Variants in SGSM3 observed in about 807,000 individuals in gnomAD.
SGSM3 encodes the protein RUN and SH3 containing 3.
Under a neutral mutation model 100.5 loss-of-function variants are expected in SGSM3, and 96 were observed. That is an observed-to-expected ratio of 0.96 (90% CI 0.81 to 1.13). The LOEUF is 1.13. Ranked by LOEUF, SGSM3 falls within the 50% of genes most tolerant of loss-of-function variation. SGSM3 has a pLI of 0.00. For missense variants in SGSM3, 1,001 were observed against 1,015.8 expected (o/e 0.99, Z 0.20); for synonymous variants, 483 against 422.8 (o/e 1.14, Z -1.75).
chr22:40,408,834 C>T lies in SGSM3; in HGVS notation c.1894C>T (p.Leu632Phe). The T allele has an allele frequency of 6.2e-7, 1 of 1,613,864 alleles. No individual in the cohort carries two copies. The highest frequency in any genetic ancestry group is 1.1e-5 in the South Asian group (1 of 91,084). ...CAAAGTCCTGACCCCGGAGGAGCTG[C>T]TCTACCGGGTAAGGGGGCCTCCTCT... ...DGKVLTPEEL[L>F]YRAVQSVNVT... is the part of the protein sequence containing the mutation. Residue 632 changes from leucine to phenylalanine, a missense_variant, in exon 18 of 22, where the codon CTC (leucine) becomes TTC (phenylalanine). By Grantham distance (22) the Leu-to-Phe change is conservative. Coordinates refer to ENST00000248929, the MANE Select transcript of SGSM3 (RefSeq NM_015705.6).
chr22:40,400,851 G>T, intron 2 of SGSM3, 38 bp downstream of exon 2: 1 of 1,522,664 alleles, frequency 6.6e-7, no homozygotes, highest in Non-Finnish European at 8.8e-7. Context: ...GGGGTTTGAA[G>T]CTCTCACAGA....
chr22:40,406,998 C>T lies in SGSM3; in HGVS notation c.1186-19C>T. 6.4e-7 allele frequency: 1 copy of T among 1,561,196 alleles called. No homozygotes were observed. Among genetic ancestry groups the T allele is most frequent in the South Asian group, 1.2e-5 (1 of 84,826 alleles). ...CCTCCCGGGGCCAGGACCACCCTGACCCACTCCTCTTGGTGCAGGTTGTTC... is the reference window on the plus strand; with the variant it reads ...CCTCCCGGGGCCAGGACCACCCTGATCCACTCCTCTTGGTGCAGGTTGTTC... On this transcript the variant is annotated intron_variant, in intron 10 of 21. Transcript: ENST00000248929.
intron 1 of SGSM3, among the ~76,000 whole-genome samples, chr22:40,384,479 A>G (rs1398070041): frequency 6.6e-6 from 1 of 152,196 alleles, no homozygotes; most frequent in African/African-American, 2.4e-5. Flanking sequence ...TTAAAAAAAA[A>G]TTAAAAAGAA....
Position 40,406,746 on chromosome 22 carries a change from G to A in SGSM3, c.1185+84G>A, listed in dbSNP as rs547160559. The A allele has an allele frequency of 6.6e-5, 81 of 1,218,838 alleles. 2 individuals are homozygous for A. The highest frequency in any genetic ancestry group is 2.8e-4 in the East Asian group (11 of 39,744). The allele number at this position is 1,218,838 out of a possible 1,614,324, so 75.5% of individuals were successfully genotyped here. A position where few individuals can be genotyped will look rare whatever the true frequency, so the allele number is the denominator to read the frequency against. ...TTGAAGTTCAGAGCGCGGGGGCTGCGGAAAACAAACCAGCCCTTCCTGCTC... is the reference window on the plus strand; with the variant it reads ...TTGAAGTTCAGAGCGCGGGGGCTGCAGAAAACAAACCAGCCCTTCCTGCTC... On this transcript the variant is annotated intron_variant, in intron 10 of 21. Transcript: ENST00000248929.
At chr22:40,402,675 G>T (rs1024156748) in intron 4 of SGSM3, among the ~76,000 whole-genome samples, 2 of 152,212 alleles carry the variant, frequency 1.3e-5, no homozygotes, top group African/African-American at 4.8e-5. Context: ...GGAGGTGGAG[G>T]TTGCAGTGAG....
Position 40,405,213 on chromosome 22 carries a change from C to T in SGSM3, c.547C>T (p.Arg183Cys), listed in dbSNP as rs769788475. 96 of 1,587,672 alleles carry T rather than the reference C, an allele frequency of 6.0e-5. No homozygotes were observed. The highest frequency in any genetic ancestry group is 2.8e-4 in the East Asian group (12 of 43,256). ...CAGCATGGGTAGCATCGGGGTGCCC[C>T]GCCTGCGCAGGGTGCTCCGGGCCCT... ...FASMGSIGVP[R>C]LRRVLRALAW... The change falls in exon 7 of 22, where the codon CGC (arginine) becomes TGC (cysteine). Residue 183 changes from arginine to cysteine, a missense_variant. By Grantham distance (180) the Arg-to-Cys change is radical (BLOSUM62 -3). Transcript: ENST00000248929.
chr22:40,377,372 G>A (rs570369657), intron 1 of SGSM3, among the ~76,000 whole-genome samples: 3 of 152,354 alleles, frequency 2.0e-5, no homozygotes, highest in African/African-American at 7.2e-5. Flanking sequence ...CACTAGAGCT[G>A]CTGTTGTTTT....
intron 2 of SGSM3, 85 bp downstream of exon 2, chr22:40,400,898 A>G (rs2050662501): frequency 7.6e-7 from 1 of 1,319,836 alleles, no homozygotes; most frequent in Non-Finnish European, 1.0e-6. Flanking sequence ...GTTTTCCATA[A>G]AACACCATCC....
At chr22:40,382,886 G>A (rs748642056) in intron 1 of SGSM3, among the ~76,000 whole-genome samples, 2 of 152,140 alleles carry the variant, frequency 1.3e-5, no homozygotes, top group Non-Finnish European at 2.9e-5. Context: ...AGATGAATTG[G>A]CCACACAGCC....
In SGSM3 at chr22:40,389,904, C is replaced by CA. The variant is rs556479827; in HGVS notation, c.-111-10781dup. Among the ~76,000 whole-genome samples the CA allele has an allele frequency of 8.0e-3, 464 of 58,296 alleles. 1 individual carries two copies. Among genetic ancestry groups the CA allele is most frequent in the African/African-American group, 0.027 (367 of 13,762 alleles). The allele number at this position is 58,296 out of a possible 152,430, so 38.2% of individuals were successfully genotyped here. ...GGGCAACAAGAGGGAAACTCCGTCT[C>CA]AAAAAAAAAAAGAAAAAAAAAAAAA... On this transcript the variant is annotated intron_variant, in intron 1 of 21. Transcript: ENST00000248929.
chr22:40,372,179 T>C (rs2045695212), intron 1 of SGSM3, among the ~76,000 whole-genome samples: 1 of 121,100 alleles, frequency 8.3e-6, no homozygotes, highest in South Asian at 3.0e-4. Flanking sequence ...CAGGCTGGAG[T>C]GCAGTGGCGC....
chr22:40,408,995 C>T lies in SGSM3; in HGVS notation c.1965C>T (p.Arg655=), dbSNP rs1049833560. The change falls in exon 19 of 22, where the codon CGC becomes CGT. Residue 655 remains arginine (R), a synonymous_variant. Transcript: ENST00000248929. ...AVHAQMDVKL[R]SLICVGLNEQ... is the part of the protein sequence containing the mutation. ...ATGCACAAATGGATGTGAAGCTCCGCTCACTGATCTGCGTGGGGCTCAAGT... is the reference window on the plus strand; with the variant it reads ...ATGCACAAATGGATGTGAAGCTCCGTTCACTGATCTGCGTGGGGCTCAAGT... 6.3e-7 allele frequency: 1 copy of T among 1,577,372 alleles called. No homozygotes were observed. Among genetic ancestry groups the T allele is most frequent in the South Asian group, 1.1e-5 (1 of 87,418 alleles).
chr22:40,377,624 T>C (rs946222723), intron 1 of SGSM3, among the ~76,000 whole-genome samples: 1 of 152,222 alleles, frequency 6.6e-6, no homozygotes, highest in African/African-American at 2.4e-5. Flanking sequence ...TCCATTGGGC[T>C]AAGGAGTTTG....
In SGSM3 at chr22:40,408,947, G is replaced by C; in HGVS notation, c.1917G>C (p.Val639=). The change falls in exon 19 of 22, where the codon GTG becomes GTC. Residue 639 remains valine (V), a synonymous_variant. Transcript: ENST00000248929. ...GCCGTTCCCAGGCTGTGCAGTCTGTGAACGTGACCCACGATGCAGTGCATG... is the reference window on the plus strand; with the variant it reads ...GCCGTTCCCAGGCTGTGCAGTCTGTCAACGTGACCCACGATGCAGTGCATG... ...EELLYRAVQS[V]NVTHDAVHAQ... 4 of 1,610,950 alleles carry C rather than the reference G, an allele frequency of 2.5e-6. No individual in the cohort carries two copies. The highest frequency in any genetic ancestry group is 3.4e-6 in the Non-Finnish European group (4 of 1,178,580).
At position 40,398,924 on chromosome 22, in the gene SGSM3, C is replaced by T. The variant is rs118096177; in HGVS notation, c.-111-1772C>T. 5.6e-4 allele frequency among the ~76,000 whole-genome samples: 78 copies of T among 139,750 alleles called. 14 individuals are homozygous for T. In the East Asian group the frequency reaches 0.016, roughly 29 times the overall value. 91.7% of individuals were successfully genotyped at this position (139,750 alleles called of 152,430 possible). A position where few individuals can be genotyped will look rare whatever the true frequency, so the allele number is the denominator to read the frequency against. ...GAAGTAAACTTGCCCACGGTTATAA[C>T]AAGTGGGCACAGGCCCACTCTGCTA... On this transcript the variant is annotated intron_variant, in intron 1 of 21. Coordinates refer to ENST00000248929, the MANE Select transcript of SGSM3 (RefSeq NM_015705.6).
At position 40,407,312 on chromosome 22, in the gene SGSM3, C is replaced by G; in HGVS notation, c.1352C>G (p.Pro451Arg). The change falls in exon 12 of 22, where the codon CCC (proline) becomes CGC (arginine). Residue 451 changes from proline to arginine, a missense_variant. Transcript: ENST00000248929. This position sits in a 1 kb window ranked among gnomAD's most constrained non-coding sequence, Gnocchi z 4.7. Reference protein sequence around the residue: ...RVARHFQCTDPKNCSVELTPD... With the variant: ...RVARHFQCTDRKNCSVELTPD... ...GCACGCCACTTCCAGTGCACAGACC[C>G]CAAAAACTGCAGCGTGGTGAGTCGC... is the stretch of plus-strand genomic sequence containing the variant. The G allele has an allele frequency of 6.2e-7, 1 of 1,613,546 alleles. No individual in the cohort carries two copies. The highest frequency in any genetic ancestry group is 8.5e-7 in the Non-Finnish European group (1 of 1,180,024).
At chr22:40,376,974 C>G (rs1033621159) in intron 1 of SGSM3, among the ~76,000 whole-genome samples, 3 of 152,108 alleles carry the variant, frequency 2.0e-5, no homozygotes, top group Non-Finnish European at 2.9e-5. Flanking sequence ...CATCACTGTC[C>G]GGCAGGAAAC....
intron 8 of SGSM3, 30 bp downstream of exon 8, chr22:40,405,874 T>C (rs760170816): frequency 5.0e-6 from 8 of 1,590,840 alleles, no homozygotes; most frequent in Non-Finnish European, 6.9e-6. Context: ...CTGGCTCCCA[T>C]TCTGCAGCTT....
intron 1 of SGSM3, 30 bp from the exon 2 acceptor site, chr22:40,400,666 G>A: frequency 1.2e-6 from 1 of 852,090 alleles, no homozygotes; most frequent in African/African-American, 1.8e-5. Context: ...AATAAAAATA[G>A]AATGACTTTC....
Sources: allele counts gnomAD v4.1 joint callset (sites outside exome capture counted in the v4.1 genomes callset), GRCh38; gene constraint gnomAD v4.1.1; non-coding constraint Gnocchi (gnomAD v3.1); transcripts MANE v1.5; gene names NCBI Gene and HGNC (gene_info 2026-07-23, HGNC 2026-07-21).